The following ATP8A1 variants were observed in gnomAD, a reference collection of about 807,000 sequenced individuals.
ATP8A1 encodes the protein phospholipid-transporting ATPase IA.
A neutral mutation model predicts 177.7 loss-of-function variants in ATP8A1; 90 were observed. The ratio of observed to expected loss-of-function variants is 0.51; its 90% confidence interval spans 0.43 to 0.60. The LOEUF (loss-of-function observed/expected upper bound fraction) is 0.60. Ranked by LOEUF, ATP8A1 falls within the 20% of genes least tolerant of loss-of-function variation. ATP8A1 has a pLI of 0.00. For missense variants in ATP8A1, 1,072 were observed against 1,392.8 expected (o/e 0.77, Z 3.67); for synonymous variants, 493 against 485.9 (o/e 1.01, Z -0.19).
chr4:42,636,431 AAAG>A (rs1232271934), intron 1 of ATP8A1, among the ~76,000 whole-genome samples: 6 of 152,228 alleles, frequency 3.9e-5, no homozygotes, highest in African/African-American at 1.4e-4. Context: ...GAGCTCATGA[AAAG>A]AAGGAACCAC....
At chr4:42,481,780 C>T (rs1203173298) in intron 25 of ATP8A1, among the ~76,000 whole-genome samples, 3 of 152,148 alleles carry the variant, frequency 2.0e-5, no homozygotes, top group Non-Finnish European at 2.9e-5. Context: ...TGTACTTCTT[C>T]TGGAAGGAAT....
At chr4:42,614,265 C>T (rs1268396083) in intron 5 of ATP8A1, among the ~76,000 whole-genome samples, 1 of 152,136 alleles carries the variant, frequency 6.6e-6, no homozygotes, top group Admixed American at 6.5e-5. Flanking sequence ...CTCTACTGTA[C>T]TATGTCAACT....
At chr4:42,489,864 T>C (rs1027920718) in intron 24 of ATP8A1, among the ~76,000 whole-genome samples, 5 of 152,184 alleles carry the variant, frequency 3.3e-5, no homozygotes, top group Non-Finnish European at 7.3e-5. Flanking sequence ...TGAAACTTAG[T>C]GACTTGTAAA....
intron 15 of ATP8A1, among the ~76,000 whole-genome samples, chr4:42,559,396 A>C (rs919704097): frequency 1.3e-5 from 2 of 152,226 alleles, no homozygotes; most frequent in Non-Finnish European, 2.9e-5. Context: ...AAATGGCTTT[A>C]TATATACATT....
Position 42,524,939 on chromosome 4 carries a change from TAACAACCAC to T in ATP8A1, c.1723-101_1723-93del, listed in dbSNP as rs538277148. ...TAACAATAGCAGTAGGAAATCAGTG[TAACAACCAC>T]CAATCTCTTTTGGCATTCGTTTTAA... On this transcript the variant is annotated intron_variant, in intron 20 of 36. Transcript: ENST00000381668. The T allele has an allele frequency of 4.0e-4, 272 of 687,432 alleles. 1 individual carries two copies. In the African/African-American group the frequency reaches 4.3e-3, roughly 11 times the overall value. 42.6% of individuals were successfully genotyped at this position (687,432 alleles called of 1,614,324 possible).
At chr4:42,434,274 A>G (rs1471721294) in intron 33 of ATP8A1, among the ~76,000 whole-genome samples, 1 of 152,170 alleles carries the variant, frequency 6.6e-6, no homozygotes, top group Non-Finnish European at 1.5e-5. Context: ...CTCAGTGTTC[A>G]ATATATTTAC....
chr4:42,535,489 G>A (rs4493577), intron 20 of ATP8A1, among the ~76,000 whole-genome samples: 44,969 of 151,770 alleles, frequency 0.3, 6,996 homozygotes, highest in South Asian at 0.41. Context: ...TTATGAAAGG[G>A]GATAGACAGC....
At chr4:42,552,208 A>C (rs1729571113) in intron 17 of ATP8A1, among the ~76,000 whole-genome samples, 2 of 152,224 alleles carry the variant, frequency 1.3e-5, no homozygotes, top group Admixed American at 1.3e-4. Flanking sequence ...TTAGGTATTT[A>C]TAAAGAAGCG....
At chr4:42,552,106 T>G (rs1729558962) in intron 17 of ATP8A1, among the ~76,000 whole-genome samples, 1 of 152,206 alleles carries the variant, frequency 6.6e-6, no homozygotes, top group Admixed American at 6.5e-5. Context: ...GCAAAATTGG[T>G]GTTCTAAAGT....
chr4:42,480,302 G>A (rs2153187964), intron 25 of ATP8A1, among the ~76,000 whole-genome samples: 1 of 152,226 alleles, frequency 6.6e-6, no homozygotes, highest in African/African-American at 2.4e-5. Flanking sequence ...TTATGTTAAA[G>A]CAAACTATTG....
chr4:42,448,392 C>CTTTTTTTTT (rs1577952776), intron 30 of ATP8A1, among the ~76,000 whole-genome samples: 1 of 19,932 alleles, frequency 5.0e-5, no homozygotes, highest in East Asian at 2.4e-3. Flanking sequence ...CCCTCCTTCT[C>CTTTTTTTTT]TTTCTTTTCT....
intron 15 of ATP8A1, among the ~76,000 whole-genome samples, chr4:42,564,351 T>C (rs909458165): frequency 4.6e-5 from 7 of 152,072 alleles, no homozygotes; most frequent in Non-Finnish European, 1.0e-4. Flanking sequence ...CATTGCACCA[T>C]GCACCTGGAA....
intron 22 of ATP8A1, among the ~76,000 whole-genome samples, chr4:42,519,973 C>A (rs1320188900): frequency 6.6e-6 from 1 of 152,060 alleles, no homozygotes; most frequent in East Asian, 1.9e-4. Flanking sequence ...TAATGGAGTG[C>A]CTCAGTCAAC....
chr4:42,493,148 C>T (rs972844110), intron 24 of ATP8A1, among the ~76,000 whole-genome samples: 13 of 152,176 alleles, frequency 8.5e-5, no homozygotes, highest in Non-Finnish European at 1.5e-4. Flanking sequence ...CAGGCTGGCC[C>T]GTGAGGGTGC....
chr4:42,609,200 G>A (rs1355880241), intron 5 of ATP8A1, among the ~76,000 whole-genome samples: 1 of 152,092 alleles, frequency 6.6e-6, no homozygotes, highest in Non-Finnish European at 1.5e-5. Flanking sequence ...CTCACCAGCA[G>A]TGTCACTGAG....
At chr4:42,469,383 T>A (rs947285281) in intron 25 of ATP8A1, among the ~76,000 whole-genome samples, 1 of 152,254 alleles carries the variant, frequency 6.6e-6, no homozygotes, top group South Asian at 2.1e-4. Flanking sequence ...CATAGTGTGC[T>A]GTGAGTACCT....
intron 9 of ATP8A1, among the ~76,000 whole-genome samples, chr4:42,583,659 T>A (rs964685446): frequency 6.6e-6 from 1 of 152,176 alleles, no homozygotes. Flanking sequence ...ATGACCCTCA[T>A]CCTTAAAAGC....
chr4:42,551,651 T>C (rs1023299211), intron 17 of ATP8A1, among the ~76,000 whole-genome samples: 2 of 152,208 alleles, frequency 1.3e-5, no homozygotes, highest in Non-Finnish European at 2.9e-5. Flanking sequence ...CCTCCTAAAA[T>C]GTTGAGTCTA....
chr4:42,511,849 C>T (rs1302727245), intron 22 of ATP8A1, among the ~76,000 whole-genome samples: 1 of 151,830 alleles, frequency 6.6e-6, no homozygotes, highest in African/African-American at 2.4e-5. Flanking sequence ...TGATATGCTT[C>T]TAAATGAGAA....
Sources: gnomAD v4.1 joint callset for allele counts (sites outside exome capture counted in the v4.1 genomes callset) on GRCh38, gnomAD v4.1.1 for gene constraint, MANE v1.5 for transcripts, NCBI Gene and HGNC (gene_info 2026-07-23, HGNC 2026-07-21) for gene names.